ITGAE: variants seen among roughly 807,000 people sequenced by gnomAD.
ITGAE encodes integrin subunit alpha E, also known as integrin alpha-E.
In ITGAE, 99 loss-of-function variants were observed where a neutral mutation model predicts 136.5. The ratio of observed to expected loss-of-function variants is 0.73; its 90% confidence interval spans 0.62 to 0.86. The LOEUF (loss-of-function observed/expected upper bound fraction) is 0.86. Ranked by LOEUF, ITGAE falls within the 40% of genes least tolerant of loss-of-function variation. The probability of loss-of-function intolerance (pLI) is 0.00; values close to 1 mark genes in which losing one functional copy is unlikely to be tolerated. For synonymous variants in ITGAE, 613 were observed against 591.8 expected, an observed-to-expected ratio of 1.04 and a Z score of -0.52; for missense variants, 1,447 against 1,515.3, an observed-to-expected ratio of 0.95 and a Z score of 0.75.
chr17:3,757,343 GCTC>G (rs1242549406), intron 9 of ITGAE, among the ~76,000 whole-genome samples: 1 of 152,058 alleles, frequency 6.6e-6, no homozygotes, highest in Non-Finnish European at 1.5e-5. Context: ...AATACACCAA[GCTC>G]CTCCTCACCT....
At chr17:3,778,284 G>A (rs866266431) in intron 1 of ITGAE, among the ~76,000 whole-genome samples, 5 of 152,216 alleles carry the variant, frequency 3.3e-5, no homozygotes, top group Middle Eastern at 6.8e-3. Context: ...TATGCTGGCC[G>A]CGCGCCAGTG....
chr17:3,728,250 C>T, intron 24 of ITGAE, 82 bp from the exon 25 acceptor site: 1 of 1,067,936 alleles, frequency 9.4e-7, no homozygotes, highest in Non-Finnish European at 1.5e-6. Flanking sequence ...GTTGCCCAGG[C>T]TAGAGCACAG....
intron 24 of ITGAE, among the ~76,000 whole-genome samples, chr17:3,729,205 A>G (rs866327367): frequency 6.6e-6 from 1 of 152,174 alleles, no homozygotes; most frequent in Non-Finnish European, 1.5e-5. Flanking sequence ...CCAGTCCCAC[A>G]GCTGCCTTCT....
At chr17:3,726,238 A>G in intron 26 of ITGAE, 1 of 1,614,242 alleles carries the variant, frequency 6.2e-7, no homozygotes, top group Non-Finnish European at 8.5e-7. Flanking sequence ...CCTGCCATGA[A>G]GCAAATTAAG....
At chr17:3,750,222 C>A in intron 16 of ITGAE, 130 bp downstream of exon 16, 1 of 1,343,536 alleles carries the variant, frequency 7.4e-7, no homozygotes, top group Non-Finnish European at 1.0e-6. Context: ...CGGGCAGACT[C>A]CAGAGCCTGT....
intron 2 of ITGAE, among the ~76,000 whole-genome samples, chr17:3,765,604 A>C (rs2052280271): frequency 6.6e-6 from 1 of 152,022 alleles, no homozygotes; most frequent in African/African-American, 2.4e-5. Flanking sequence ...CCTCTGAGTC[A>C]GTTCCTGTGA....
At chr17:3,750,040 C>T (rs1407711079) in intron 16 of ITGAE, among the ~76,000 whole-genome samples, 1 of 152,016 alleles carries the variant, frequency 6.6e-6, no homozygotes, top group Non-Finnish European at 1.5e-5. Flanking sequence ...AAACAAAAAA[C>T]TCTGCAATCA....
rs974927925 is a variant in ITGAE, at chr17:3,795,925, G to C, written c.34+5186C>G. ...TCTGTGTATGCGCATCCGTGTGTGT[G>C]CATCCGTGTGTGTGCATCCGTGTGT... On this transcript the variant is annotated intron_variant, in intron 1 of 30. Transcript: ENST00000263087. Among the ~76,000 whole-genome samples the C allele has an allele frequency of 2.7e-5, 4 of 145,624 alleles. No homozygotes were observed. The East Asian group carries it at 7.9e-4, about 29-fold the overall frequency.
chr17:3,759,595 C>G (rs1368163780), intron 7 of ITGAE, 42 bp from the exon 8 acceptor site: 1 of 1,589,704 alleles, frequency 6.3e-7, no homozygotes, highest in Admixed American at 1.7e-5. Flanking sequence ...GGAAGAATTG[C>G]CACCTCTGCC....
At chr17:3,732,496 A>G (rs1188066044) in intron 21 of ITGAE, 30 bp from the exon 22 acceptor site, 2 of 1,576,116 alleles carry the variant, frequency 1.3e-6, no homozygotes, top group South Asian at 2.2e-5. Flanking sequence ...CATTCTCTTA[A>G]AGAGCCAAAC....
chr17:3,796,455 G>A (rs1337452759), intron 1 of ITGAE, among the ~76,000 whole-genome samples: 3 of 152,082 alleles, frequency 2.0e-5, no homozygotes, highest in African/African-American at 4.8e-5. Flanking sequence ...TTGGCACCTC[G>A]CTTCCGTCTC....
In ITGAE at chr17:3,757,803, A is replaced by C. The variant is rs1222333109; in HGVS notation, c.923T>G (p.Val308Gly). 12 of 1,614,082 alleles carry C rather than the reference A, an allele frequency of 7.4e-6. No individual in the cohort carries two copies. Among genetic ancestry groups the C allele is most frequent in the Non-Finnish European group, 9.3e-6 (11 of 1,180,012 alleles). ...GAATATGCCACCATCGGTGAGCACC[A>C]CCATGACCTTGGATGCCTTTCTCCT... ...GSRRKASKVM[V>G]VLTDGGIFED... The change falls in exon 9 of 31, where the codon GTG (valine) becomes GGG (glycine). Residue 308 changes from valine to glycine, a missense_variant. By Grantham distance (109) the Val-to-Gly change is moderately radical. Coordinates refer to ENST00000263087, the MANE Select transcript of ITGAE (RefSeq NM_002208.5).
chr17:3,756,222 G>C (rs1882924), intron 10 of ITGAE, among the ~76,000 whole-genome samples: 2,163 of 10,906 alleles, frequency 0.2, 837 homozygotes, highest in African/African-American at 0.77. Context: ...GATATTGTTG[G>C]CCTTTTTTTT....
rs1186319385 is a variant in ITGAE at position 3,801,114 on chromosome 17, C to A, written c.31G>T (p.Ala11Ser). 6.2e-7 allele frequency: 1 copy of A among 1,612,698 alleles called. No homozygotes were observed. The highest frequency in any genetic ancestry group is 8.5e-7 in the Non-Finnish European group (1 of 1,180,030). The change falls in exon 1 of 31, where the codon GCC (alanine) becomes TCC (serine). Residue 11 changes from alanine (A) to serine (S), a missense_variant. By Grantham distance (99) the Ala-to-Ser change is moderately conservative. Around this residue, in one of 3 missense-constraint regions of ITGAE, gnomAD observed 106 missense variants for 87.8 expected, o/e 1.21. Transcript: ENST00000263087. The stretch of plus-strand genomic sequence containing the variant: ...AGCAGCGGGTGAGAGGACTTACTGG[C>A]TATGCAGAGCAGAGTGTGGAAGAGC... MWLFHTLLCI[A>S]SLALLAAFNV...
intron 17 of ITGAE, 34 bp downstream of exon 17, chr17:3,747,888 C>A: frequency 7.0e-7 from 1 of 1,436,002 alleles, no homozygotes; most frequent in South Asian, 1.1e-5. Context: ...AAGACCATCA[C>A]ACCAGGCAGG....
intron 17 of ITGAE, among the ~76,000 whole-genome samples, chr17:3,746,690 C>T (rs2051724545): frequency 1.3e-5 from 2 of 152,080 alleles, no homozygotes; most frequent in South Asian, 4.1e-4. Flanking sequence ...GATCTCCTGA[C>T]CTTGTGATCC....
At chr17:3,778,932 C>T (rs1187845531) in intron 1 of ITGAE, among the ~76,000 whole-genome samples, 5 of 152,036 alleles carry the variant, frequency 3.3e-5, no homozygotes, top group Non-Finnish European at 7.3e-5. Context: ...AATTTTATGA[C>T]CCTGATGTAG....
intron 20 of ITGAE, 33 bp from the exon 21 acceptor site, chr17:3,734,982 TA>T (rs753042179): frequency 6.2e-7 from 1 of 1,612,680 alleles, no homozygotes; most frequent in African/African-American, 1.3e-5. Context: ...TGTTACAGTT[TA>T]TTTCATCTGT....
At chr17:3,724,954 G>A (rs1294176296) in intron 26 of ITGAE, 1 of 1,613,844 alleles carries the variant, frequency 6.2e-7, no homozygotes, top group Admixed American at 1.7e-5. Context: ...AGCCGGAAGA[G>A]CAAACATCAG....
Sources: gnomAD v4.1 joint callset for allele counts (sites outside exome capture counted in the v4.1 genomes callset) on GRCh38, gnomAD v4.1.1 for gene constraint, gnomAD v4.1.1 regional missense constraint, MANE v1.5 for transcripts, NCBI Gene and HGNC (gene_info 2026-07-23, HGNC 2026-07-21) for gene names.